TMEM132B: variants seen among roughly 807,000 people sequenced by gnomAD.
TMEM132B encodes the protein transmembrane protein 132B.
Under a neutral mutation model 90.8 loss-of-function variants are expected in TMEM132B, and 18 were observed. The ratio of observed to expected loss-of-function variants is 0.20; its 90% CI spans 0.14 to 0.29. The LOEUF (loss-of-function observed/expected upper bound fraction) is 0.29. TMEM132B is among the 10% of genes least tolerant of loss of function. The pLI is 1.00. For synonymous variants in TMEM132B, 504 were observed against 523.3 expected, an observed-to-expected ratio of 0.96 and a Z score of 0.50; for missense variants, 1,096 against 1,326.8, an observed-to-expected ratio of 0.83 and a Z score of 2.70.
intron 5 of TMEM132B, among the ~76,000 whole-genome samples, chr12:125,631,308 T>G (rs1206665295): frequency 6.6e-6 from 1 of 152,174 alleles, no homozygotes; most frequent in Non-Finnish European, 1.5e-5. Flanking sequence ...AAAATTCCTC[T>G]TGTTATTGAT....
chr12:125,314,478 G>A lies in TMEM132B; in HGVS notation c.68-34974G>A, dbSNP rs150972894. Among the ~76,000 whole-genome samples, 217 of 152,350 alleles carry A rather than the reference G, an allele frequency of 1.4e-3. No homozygotes were observed. The Middle Eastern group carries it at 0.041, about 29-fold the overall frequency. Reference sequence around the variant, plus strand: ...GGGAAAAGTGTTCCTGTGGGCCCCAGAGGTGGTGCTGGGCTTCCTGGGTTT... The same window carrying A: ...GGGAAAAGTGTTCCTGTGGGCCCCAAAGGTGGTGCTGGGCTTCCTGGGTTT... On this transcript the variant is annotated intron_variant, in intron 1 of 8. Transcript: ENST00000682704.
intron 4 of TMEM132B, among the ~76,000 whole-genome samples, chr12:125,575,787 G>A (rs1001443414): frequency 2.0e-5 from 3 of 151,702 alleles, no homozygotes; most frequent in African/African-American, 2.4e-5. Context: ...GTGGATATCC[G>A]GTTATCCCAG....
intron 1 of TMEM132B, among the ~76,000 whole-genome samples, chr12:125,302,423 G>A (rs1593076124): frequency 6.6e-6 from 1 of 152,010 alleles, no homozygotes; most frequent in African/African-American, 2.4e-5. Flanking sequence ...AGCCCAGGTG[G>A]AATCATCAAC....
chr12:125,479,612 C>A (rs1348945014), intron 3 of TMEM132B, among the ~76,000 whole-genome samples: 1 of 152,146 alleles, frequency 6.6e-6, no homozygotes. Context: ...ATTCATAAAG[C>A]AAGTCCTGAG....
chr12:125,228,113 A>C (rs1221567584), intron 1 of TMEM132B, among the ~76,000 whole-genome samples: 1 of 152,196 alleles, frequency 6.6e-6, no homozygotes, highest in Non-Finnish European at 1.5e-5. Flanking sequence ...AAATCAAGAC[A>C]TCAAGAGTAG....
At chr12:125,223,681 G>A (rs1271562321) in intron 1 of TMEM132B, among the ~76,000 whole-genome samples, 1 of 151,986 alleles carries the variant, frequency 6.6e-6, no homozygotes, top group Non-Finnish European at 1.5e-5. Flanking sequence ...CCCAGCCCTC[G>A]CCAGCCATTA....
chr12:125,565,331 G>T (rs1181395055), intron 4 of TMEM132B, among the ~76,000 whole-genome samples: 2 of 152,218 alleles, frequency 1.3e-5, no homozygotes, highest in Non-Finnish European at 2.9e-5. Flanking sequence ...ATGCAGATGG[G>T]CAGGTGCAGG....
At chr12:125,497,082 A>C (rs1027795700) in intron 3 of TMEM132B, among the ~76,000 whole-genome samples, 1 of 152,162 alleles carries the variant, frequency 6.6e-6, no homozygotes, top group African/African-American at 2.4e-5. Flanking sequence ...AAGCTCCAGG[A>C]GAGGTGGGGT....
chr12:125,247,094 C>G (rs905045913), intron 1 of TMEM132B, among the ~76,000 whole-genome samples: 1 of 152,236 alleles, frequency 6.6e-6, no homozygotes, highest in African/African-American at 2.4e-5. Context: ...TAATGACGCA[C>G]TCACTACCTA....
At chr12:125,527,581 C>A (rs1335068802) in intron 4 of TMEM132B, among the ~76,000 whole-genome samples, 5 of 140,052 alleles carry the variant, frequency 3.6e-5, no homozygotes, top group Admixed American at 6.8e-5. Flanking sequence ...CCCTTCCATC[C>A]ACCCGTTTAC....
intron 3 of TMEM132B, among the ~76,000 whole-genome samples, chr12:125,483,354 G>A (rs1183768825): frequency 1.3e-5 from 2 of 152,088 alleles, no homozygotes; most frequent in Admixed American, 6.6e-5. Flanking sequence ...TTTACAGTCT[G>A]TATGTGTATA....
At chr12:125,250,227 T>C (rs1874289108) in intron 1 of TMEM132B, among the ~76,000 whole-genome samples, 1 of 152,188 alleles carries the variant, frequency 6.6e-6, no homozygotes, top group Non-Finnish European at 1.5e-5. Flanking sequence ...AAAATGTGAG[T>C]GCTGCAGACA....
chr12:125,420,105 A>G (rs1880128073), intron 3 of TMEM132B, among the ~76,000 whole-genome samples: 1 of 152,198 alleles, frequency 6.6e-6, no homozygotes, highest in Non-Finnish European at 1.5e-5. Flanking sequence ...TTTTCCAGGC[A>G]CACAGTGCAA....
intron 3 of TMEM132B, among the ~76,000 whole-genome samples, chr12:125,500,657 G>A (rs944999867): frequency 1.3e-5 from 2 of 152,158 alleles, no homozygotes; most frequent in African/African-American, 4.8e-5. Flanking sequence ...TTTGTAGGAC[G>A]TCAATCTAGA....
At chr12:125,452,924 A>G (rs1881192715) in intron 3 of TMEM132B, among the ~76,000 whole-genome samples, 1 of 152,108 alleles carries the variant, frequency 6.6e-6, no homozygotes, top group South Asian at 2.1e-4. Flanking sequence ...TCACATTTTC[A>G]TGGAGTCTTT....
At chr12:125,296,736 C>T (rs890256064) in intron 1 of TMEM132B, among the ~76,000 whole-genome samples, 9 of 152,236 alleles carry the variant, frequency 5.9e-5, no homozygotes, top group African/African-American at 2.2e-4. Flanking sequence ...TGAGCATTGG[C>T]TGCAAAGTGT....
At chr12:125,569,857 G>A (rs1274978941) in intron 4 of TMEM132B, among the ~76,000 whole-genome samples, 1 of 152,084 alleles carries the variant, frequency 6.6e-6, no homozygotes, top group African/African-American at 2.4e-5. Flanking sequence ...TCAGAGGCTG[G>A]AATCTCTTCA....
chr12:125,417,684 C>T (rs1230486375), intron 3 of TMEM132B, among the ~76,000 whole-genome samples: 1 of 152,164 alleles, frequency 6.6e-6, no homozygotes, highest in Non-Finnish European at 1.5e-5. Context: ...AGCAACCTGT[C>T]TCCCTGGTTT....
At chr12:125,514,690 T>C (rs540216968) in intron 3 of TMEM132B, among the ~76,000 whole-genome samples, 1 of 152,314 alleles carries the variant, frequency 6.6e-6, no homozygotes, top group Non-Finnish European at 1.5e-5. Flanking sequence ...CAGTTCAAGC[T>C]TTCGAACTTG....
Sources: gnomAD v4.1 joint callset for allele counts (sites outside exome capture counted in the v4.1 genomes callset) on GRCh38, gnomAD v4.1.1 for gene constraint, MANE v1.5 for transcripts, NCBI Gene and HGNC (gene_info 2026-07-23, HGNC 2026-07-21) for gene names.